The following C12orf42 variants were observed in gnomAD, a reference collection of about 807,000 sequenced individuals.
C12orf42 encodes the protein chromosome 12 open reading frame 42.
C12orf42 carries 25 observed loss-of-function variants against 21.6 expected under a neutral mutation model. The ratio of observed to expected loss-of-function variants is 1.16; its 90% CI spans 0.84 to 1.62. C12orf42 has a LOEUF of 1.62. C12orf42 is among the 40% of genes most tolerant of loss of function. The pLI, the probability that C12orf42 is intolerant of heterozygous loss-of-function variation, is 0.00. For missense variants in C12orf42, 483 were observed against 459.3 expected, an observed-to-expected ratio of 1.05 and a Z score of -0.47; for synonymous variants, 174 against 175.0, an observed-to-expected ratio of 0.99 and a Z score of 0.05.
chr12:103,099,641 T>A, the C12orf42 span, among the ~76,000 whole-genome samples: 1 of 152,236 alleles, frequency 6.6e-6, no homozygotes, highest in Admixed American at 6.5e-5. Context: ...GGAGAGCAGA[T>A]TTTTATTTTA....
chr12:103,245,619 G>A (rs2033972189), intron 10 of C12orf42, among the ~76,000 whole-genome samples: 1 of 152,052 alleles, frequency 6.6e-6, no homozygotes, highest in African/African-American at 2.4e-5. Flanking sequence ...CAGAACACTA[G>A]GAGCTGCCAC....
the C12orf42 span, chr12:103,505,654 T>A: frequency 4.2e-6 from 1 of 238,314 alleles, no homozygotes; most frequent in Non-Finnish European, 8.1e-6. Flanking sequence ...CCCAGGCCCC[T>A]GGGGGGCATA....
the C12orf42 span, among the ~76,000 whole-genome samples, chr12:103,189,412 G>A: frequency 2.6e-5 from 4 of 152,182 alleles, no homozygotes; most frequent in Non-Finnish European, 5.9e-5. Flanking sequence ...TCAAGGAAAT[G>A]TGAGCTGATT....
intron 4 of C12orf42, among the ~76,000 whole-genome samples, chr12:103,360,192 A>C (rs564047886): frequency 9.4e-6 from 1 of 105,948 alleles, no homozygotes; most frequent in South Asian, 4.2e-4. Context: ...GCAAAACTTA[A>C]AAAAAAAAAA....
chr12:103,537,504 C>T, the C12orf42 span, among the ~76,000 whole-genome samples: 1 of 152,096 alleles, frequency 6.6e-6, no homozygotes, highest in Non-Finnish European at 1.5e-5. Flanking sequence ...GTTTTACCAA[C>T]ACAAAACTGC....
chr12:103,551,839 T>C, the C12orf42 span, among the ~76,000 whole-genome samples: 1 of 151,222 alleles, frequency 6.6e-6, no homozygotes, highest in African/African-American at 2.4e-5. Context: ...ATAATAATAA[T>C]AAAATAATAA....
the C12orf42 span, among the ~76,000 whole-genome samples, chr12:103,549,820 A>G: frequency 6.6e-6 from 1 of 152,198 alleles, no homozygotes; most frequent in Non-Finnish European, 1.5e-5. Flanking sequence ...AGACTCTTGG[A>G]GTTGTCAGCC....
At chr12:103,099,374 G>A in the C12orf42 span, among the ~76,000 whole-genome samples, 10 of 152,292 alleles carry the variant, frequency 6.6e-5, no homozygotes, top group African/African-American at 2.4e-4. Context: ...CTTTATAGCA[G>A]CTCTTTGTCT....
the C12orf42 span, among the ~76,000 whole-genome samples, chr12:103,068,839 T>A: frequency 6.8e-6 from 1 of 147,400 alleles, no homozygotes; most frequent in African/African-American, 2.5e-5. Flanking sequence ...GACCTTGTGA[T>A]CATGGGAGTT....
chr12:103,344,928 A>T (rs969811232), intron 4 of C12orf42, among the ~76,000 whole-genome samples: 1 of 152,234 alleles, frequency 6.6e-6, no homozygotes, highest in African/African-American at 2.4e-5. Flanking sequence ...TTCACAAGGT[A>T]GCTCTGGGTG....
chr12:103,254,727 C>T (rs1483262425), intron 10 of C12orf42, among the ~76,000 whole-genome samples: 1 of 152,080 alleles, frequency 6.6e-6, no homozygotes, highest in Admixed American at 6.6e-5. Context: ...TACATGGACA[C>T]AGGAAGGGGA....
intron 5 of C12orf42, chr12:103,270,166 A>G (rs1025357713): frequency 6.6e-6 from 1 of 152,152 alleles, no homozygotes; most frequent in African/African-American, 2.4e-5. Flanking sequence ...CATAGTGGAC[A>G]CTGTGCTGAA....
the C12orf42 span, among the ~76,000 whole-genome samples, chr12:103,196,760 G>C: frequency 6.6e-6 from 1 of 151,732 alleles, no homozygotes; most frequent in Non-Finnish European, 1.5e-5. Context: ...CTTGTCTTCT[G>C]TTTGCTTGAT....
the C12orf42 span, among the ~76,000 whole-genome samples, chr12:103,194,383 C>T: frequency 2.6e-5 from 4 of 151,978 alleles, no homozygotes; most frequent in Admixed American, 2.6e-4. Flanking sequence ...GTAAAATTAC[C>T]TTTGCTTGAA....
intron 2 of C12orf42, among the ~76,000 whole-genome samples, chr12:103,474,456 G>GTATGTA (rs370220232): frequency 0.03 from 4,303 of 144,072 alleles, 105 homozygotes; most frequent in Admixed American, 0.077. Flanking sequence ...ATGTATGTAT[G>GTATGTA]TGTGTGTGTG....
At chr12:103,329,191 C>T (rs2040988836) in intron 4 of C12orf42, among the ~76,000 whole-genome samples, 1 of 152,164 alleles carries the variant, frequency 6.6e-6, no homozygotes, top group African/African-American at 2.4e-5. Context: ...GAGGAGGTGG[C>T]ACATAACCCA....
the C12orf42 span, among the ~76,000 whole-genome samples, chr12:103,148,090 C>G: frequency 9.9e-5 from 15 of 152,018 alleles, no homozygotes; most frequent in South Asian, 2.5e-3. Flanking sequence ...TGATGAGTGA[C>G]AATAAGTCAG....
chr12:103,372,896 T>G (rs189038010), intron 3 of C12orf42, among the ~76,000 whole-genome samples: 52 of 152,314 alleles, frequency 3.4e-4, no homozygotes, highest in Non-Finnish European at 7.2e-4. Context: ...TTAAAACAAA[T>G]TTTGAAATGC....
chr12:103,071,094 C>T, the C12orf42 span, among the ~76,000 whole-genome samples: 3 of 152,018 alleles, frequency 2.0e-5, no homozygotes, highest in Non-Finnish European at 4.4e-5. Flanking sequence ...AGAAATAGCT[C>T]CATGGTTACC....
Sources: gnomAD v4.1 joint callset for allele counts (sites outside exome capture counted in the v4.1 genomes callset) on GRCh38, gnomAD v4.1.1 for gene constraint, MANE v1.5 for transcripts, NCBI Gene and HGNC (gene_info 2026-07-23, HGNC 2026-07-21) for gene names.